The following CHPF2 variants were observed in gnomAD, a reference collection of about 807,000 sequenced individuals.
CHPF2 encodes chondroitin polymerizing factor 2.
A neutral mutation model predicts 63.0 loss-of-function variants in CHPF2; 58 were observed. The ratio of observed to expected loss-of-function variants is 0.92; its 90% CI spans 0.75 to 1.15. CHPF2 has a LOEUF of 1.15. CHPF2 is among the 50% of genes most tolerant of loss of function. CHPF2 has a pLI of 0.00. For missense variants in CHPF2, 1,045 were observed against 1,035.4 expected, an observed-to-expected ratio of 1.01 and a Z score of -0.13; for synonymous variants, 442 against 438.0, an observed-to-expected ratio of 1.01 and a Z score of -0.11.
At position 151,238,327 on chromosome 7, in the gene CHPF2, C is replaced by T; in HGVS notation, c.1965C>T (p.Ser655=). The T allele has an allele frequency of 6.2e-7, 1 of 1,610,024 alleles. No homozygotes were observed. The highest frequency in any genetic ancestry group is 8.5e-7 in the Non-Finnish European group (1 of 1,178,106). The change falls in exon 4 of 4, where the codon TCC becomes TCT. Residue 655 remains serine (S), a synonymous_variant. Transcript: ENST00000035307. Reference sequence around the variant, plus strand: ...CCTCCCCTCCTGGTGCTGACCCCTCCCGGGGGGCTCCTATAGGGGGGAGAT... The same window carrying T: ...CCTCCCCTCCTGGTGCTGACCCCTCTCGGGGGGCTCCTATAGGGGGGAGAT... The part of the protein sequence containing the change: ...DPPSPPGADP[S]RGAPIGGRFD...
chr7:151,235,214 G>T lies in CHPF2; in HGVS notation c.430G>T (p.Ala144Ser), dbSNP rs760753399. The T allele has an allele frequency of 6.2e-7, 1 of 1,613,082 alleles. No individual in the cohort carries two copies. Among genetic ancestry groups the T allele is most frequent in the East Asian group, 2.2e-5 (1 of 44,870 alleles). Residue 144 changes from alanine (A) to serine (S), a missense_variant, in exon 2 of 4, where the codon GCA (alanine) becomes TCA (serine). By Grantham distance (99) the Ala-to-Ser change is moderately conservative. Coordinates refer to ENST00000035307, the MANE Select transcript of CHPF2 (RefSeq NM_019015.3). ...FTGQRGARAPAGMQVVSHGDE... is the reference protein window; with the variant it reads ...FTGQRGARAPSGMQVVSHGDE... ...TGGGCAGCGGGGGGCCCGGGCTCCA[G>T]CAGGGATGCAGGTGGTGTCTCATGG...
Position 151,233,725 on chromosome 7 carries a change from C to T in CHPF2, c.-287C>T. ...CTCCTCTTTTTAGTGGAAGACAGAC[C>T]ATAATCCCAGTGTGAGTGAAATTGA... is the stretch of plus-strand genomic sequence containing the variant. On this transcript the variant is annotated 5_prime_UTR_variant, in exon 1 of 4. Transcript: ENST00000035307. 8.6e-7 allele frequency: 1 copy of T among 1,156,884 alleles called. No individual in the cohort carries two copies. The highest frequency in any genetic ancestry group is 1.1e-6 in the Non-Finnish European group (1 of 940,658). The allele number at this position is 1,156,884 out of a possible 1,614,324, so 71.7% of individuals were successfully genotyped here.
chr7:151,234,206 T>A lies in CHPF2; in HGVS notation c.195T>A (p.Asp65Glu). 1 of 1,613,350 alleles carries A rather than the reference T, an allele frequency of 6.2e-7. No individual in the cohort carries two copies. The highest frequency in any genetic ancestry group is 8.5e-7 in the Non-Finnish European group (1 of 1,179,652). Reference protein sequence around the residue: ...PDSRARLDQSDEDFKPRIVPY... With the variant: ...PDSRARLDQSEEDFKPRIVPY... ...CCAGAGCTCGGCTAGACCAAAGTGATGAAGACTTCAAACCCCGGATTGTCC... is the reference window on the plus strand; with the variant it reads ...CCAGAGCTCGGCTAGACCAAAGTGAAGAAGACTTCAAACCCCGGATTGTCC... Residue 65 changes from aspartate (D) to glutamate (E), a missense_variant, in exon 1 of 4, where the codon GAT becomes GAA. Coordinates refer to ENST00000035307, the MANE Select transcript of CHPF2 (RefSeq NM_019015.3).
chr7:151,237,481 G>A lies in CHPF2; in HGVS notation c.1119G>A (p.Leu373=), dbSNP rs1405553486. 5 of 1,614,012 alleles carry A rather than the reference G, an allele frequency of 3.1e-6. No individual in the cohort carries two copies. In the East Asian group the frequency reaches 8.9e-5, roughly 29 times the overall value. The change falls in exon 4 of 4, where the codon CTG becomes CTA. Residue 373 remains leucine, a synonymous_variant. Coordinates refer to ENST00000035307, the MANE Select transcript of CHPF2 (RefSeq NM_019015.3). ...PFTPHSRFEV[L]GWDYFTEQHT... is the part of the protein sequence containing the mutation. Reference sequence around the variant, plus strand: ...CACCACACTCTCGCTTTGAGGTGCTGGGCTGGGACTACTTCACAGAGCAGC... The same window carrying A: ...CACCACACTCTCGCTTTGAGGTGCTAGGCTGGGACTACTTCACAGAGCAGC...
At position 151,232,827 on chromosome 7, in the gene CHPF2, G is replaced by T. The variant is rs754486091; in HGVS notation, c.-1185G>T. 3 of 1,474,422 alleles carry T rather than the reference G, an allele frequency of 2.0e-6. No individual in the cohort carries two copies. The highest frequency in any genetic ancestry group is 1.5e-5 in the African/African-American group (1 of 68,082). 91.3% of individuals were successfully genotyped at this position (1,474,422 alleles called of 1,614,324 possible). On this transcript the variant is annotated 5_prime_UTR_variant, in exon 1 of 4. Transcript: ENST00000035307. ...GCCTGAGAACGAGGTCTGTGCCCCA[G>T]TCTCCCAGCCGCGACCTCCGACCCC...
chr7:151,232,521 C>G lies in CHPF2; in HGVS notation c.-1491C>G. On this transcript the variant is annotated 5_prime_UTR_variant, in exon 1 of 4. Transcript: ENST00000035307. Reference sequence around the variant, plus strand: ...GACAGGGGCTGTGAGGTGGCAGCGGCTGCAGCGGCGGAGCCGGCGCCTCAG... The same window carrying G: ...GACAGGGGCTGTGAGGTGGCAGCGGGTGCAGCGGCGGAGCCGGCGCCTCAG... 1 of 504,232 alleles carries G rather than the reference C, an allele frequency of 2.0e-6. No homozygotes were observed. The allele number at this position is 504,232 out of a possible 1,614,324, so 31.2% of individuals were successfully genotyped here.
Position 151,238,798 on chromosome 7 carries a change from G to T in CHPF2, c.*117G>T. 6.5e-7 allele frequency: 1 copy of T among 1,548,576 alleles called. No homozygotes were observed. Among genetic ancestry groups the T allele is most frequent in the Non-Finnish European group, 8.7e-7 (1 of 1,151,764 alleles). On this transcript the variant is annotated 3_prime_UTR_variant, in exon 4 of 4. Transcript: ENST00000035307. Reference sequence around the variant, plus strand: ...TGCTGTATTTTTTAAATATGAAAATGTTATTAAACATGTCTTCTGCCAAAC... The same window carrying T: ...TGCTGTATTTTTTAAATATGAAAATTTTATTAAACATGTCTTCTGCCAAAC...
intron 2 of CHPF2, 98 bp from the exon 3 acceptor site, chr7:151,236,310 C>G: frequency 9.4e-7 from 1 of 1,066,000 alleles, no homozygotes; most frequent in Non-Finnish European, 1.3e-6. Context: ...TGTTCTAACG[C>G]AGCAGTGCTA....
chr7:151,236,420 C>A lies in CHPF2; in HGVS notation c.841C>A (p.Arg281Ser). The A allele has an allele frequency of 6.3e-7, 1 of 1,582,760 alleles. No homozygotes were observed. The highest frequency in any genetic ancestry group is 8.6e-7 in the Non-Finnish European group (1 of 1,158,364). ...ATTGTCCCTCTAGGGGCAGCAGTATCGCTCATTTGAACTGGCCAAAAATAG... is the reference window on the plus strand; with the variant it reads ...ATTGTCCCTCTAGGGGCAGCAGTATAGCTCATTTGAACTGGCCAAAAATAG... ...CVSQHQGQQYRSFELAKNRDP... is the reference protein window; with the variant it reads ...CVSQHQGQQYSSFELAKNRDP... Residue 281 changes from arginine (R) to serine (S), a missense_variant, in exon 3 of 4, where the codon CGC becomes AGC. By Grantham distance (110) the Arg-to-Ser change is moderately radical (BLOSUM62 -1). Coordinates refer to ENST00000035307, the MANE Select transcript of CHPF2 (RefSeq NM_019015.3).
Position 151,237,738 on chromosome 7 carries a change from G to A in CHPF2, c.1376G>A (p.Arg459Gln), listed in dbSNP as rs577213295. Residue 459 changes from arginine to glutamine, a missense_variant, in exon 4 of 4, where the codon CGG (arginine) becomes CAG (glutamine). By Grantham distance (43) the Arg-to-Gln change is conservative. Transcript: ENST00000035307. ...GAATGTGTGACACAGCGTGGGCACC[G>A]GCGGGCCCTGGCTCGCAGGGTCAGC... The part of the protein sequence containing the change: ...LLECVTQRGH[R>Q]RALARRVSLL... 56 of 1,612,480 alleles carry A rather than the reference G, an allele frequency of 3.5e-5. No individual in the cohort carries two copies. Among genetic ancestry groups the A allele is most frequent in the Admixed American group, 2.2e-4 (13 of 60,024 alleles).
At chr7:151,236,810 C>A in intron 3 of CHPF2, 1 of 595,052 alleles carries the variant, frequency 1.7e-6, no homozygotes, top group Non-Finnish European at 3.0e-6. Context: ...GCTCCCAGCA[C>A]AACTTGAATG....
In CHPF2 at chr7:151,235,209, C is replaced by T. The variant is rs1563629708; in HGVS notation, c.425C>T (p.Ala142Val). 6.2e-7 allele frequency: 1 copy of T among 1,612,994 alleles called. No homozygotes were observed. ...TTCACTGGGCAGCGGGGGGCCCGGG[C>T]TCCAGCAGGGATGCAGGTGGTGTCT... ...LYFTGQRGAR[A>V]PAGMQVVSHG... Residue 142 changes from alanine to valine, a missense_variant, in exon 2 of 4, where the codon GCT becomes GTT. Transcript: ENST00000035307.
rs146782442 is a variant in CHPF2 at position 151,235,069 on chromosome 7, G to A, written c.285G>A (p.Glu95=). The A allele has an allele frequency of 7.7e-4, 1,212 of 1,565,892 alleles. 4 individuals carry two copies. The African/African-American group carries it at 0.014, about 18-fold the overall frequency. Reference sequence around the variant, plus strand: ...ACAGGACTCGGTACATCCAGACAGAGCTGGGCTCCCGTGAGCGGTTGCTGG... The same window carrying A: ...ACAGGACTCGGTACATCCAGACAGAACTGGGCTCCCGTGAGCGGTTGCTGG... ...KVLRTRYIQT[E]LGSRERLLVA... The change falls in exon 2 of 4, where the codon GAG becomes GAA. Residue 95 remains glutamate, a synonymous_variant. Transcript: ENST00000035307.
In CHPF2 at chr7:151,237,358, A is replaced by G. The variant is rs750547782; in HGVS notation, c.1012-16A>G. 59 of 1,569,424 alleles carry G rather than the reference A, an allele frequency of 3.8e-5. No homozygotes were observed. Among genetic ancestry groups the G allele is most frequent in the Admixed American group, 1.4e-4 (8 of 57,490 alleles). ...TGGAGCTGGCACTAATGTGAGGTGC[A>G]TTCCCTCCAACCCAGGCTCAGATCC... On this transcript the variant is annotated splice_polypyrimidine_tract_variant and intron_variant, in intron 3 of 3. Coordinates refer to ENST00000035307, the MANE Select transcript of CHPF2 (RefSeq NM_019015.3).
rs1315362391 is a variant in CHPF2 at position 151,238,074 on chromosome 7, C to G, written c.1712C>G (p.Pro571Arg). 2 of 1,612,262 alleles carry G rather than the reference C, an allele frequency of 1.2e-6. No homozygotes were observed. Among genetic ancestry groups the G allele is most frequent in the African/African-American group, 2.7e-5 (2 of 74,940 alleles). Reference sequence around the variant, plus strand: ...TGGCTCGCTGTGCGAGCAGAGGCCCCTTCCCAGGTGCGACTCATGGACGTG... The same window carrying G: ...TGGCTCGCTGTGCGAGCAGAGGCCCGTTCCCAGGTGCGACTCATGGACGTG... ...LAWLAVRAEA[P>R]SQVRLMDVVS... is the part of the protein sequence containing the mutation. The change falls in exon 4 of 4, where the codon CCT becomes CGT. Residue 571 changes from proline (P) to arginine (R), a missense_variant. By Grantham distance (103) the Pro-to-Arg change is moderately radical. Coordinates refer to ENST00000035307, the MANE Select transcript of CHPF2 (RefSeq NM_019015.3).
rs1357484884 is a variant in CHPF2, at chr7:151,238,498, A to AG, written c.2139dup (p.Leu714AlafsTer26). The AG allele has an allele frequency of 1.3e-6, 2 of 1,597,474 alleles. No homozygotes were observed. The highest frequency in any genetic ancestry group is 4.5e-5 in the East Asian group (2 of 44,122). On this transcript the variant is annotated frameshift_variant, in exon 4 of 4. Transcript: ENST00000035307. LOFTEE classifies it high-confidence loss of function. Reference sequence around the variant, plus strand: ...TGATGGATGTTTTCCTCCGGTTCTCAGGGCTCCACCTCTTTCGGGCCGTAG... The same window carrying AG: ...TGATGGATGTTTTCCTCCGGTTCTCAGGGGCTCCACCTCTTTCGGGCCGTAG...
rs140251502 is a variant in CHPF2, at chr7:151,237,663, G to T, written c.1301G>T (p.Arg434Leu). ...FQKQRLLNGY[R>L]RFDPARGMEY... ...AAGCAGCGACTGCTCAACGGCTATC[G>T]GCGCTTCGACCCAGCACGGGGCATG... Residue 434 changes from arginine to leucine, a missense_variant, in exon 4 of 4, where the codon CGG (arginine) becomes CTG (leucine). By Grantham distance (102) the Arg-to-Leu change is moderately radical (BLOSUM62 -2). Transcript: ENST00000035307. The T allele has an allele frequency of 2.5e-6, 4 of 1,613,160 alleles. No homozygotes were observed. The South Asian group carries it at 4.4e-5, about 18-fold the overall frequency.
rs1289630965 is a variant in CHPF2, at chr7:151,238,509, T to C, written c.2147T>C (p.Leu716Pro). The C allele has an allele frequency of 6.2e-7, 1 of 1,601,774 alleles. No homozygotes were observed. The highest frequency in any genetic ancestry group is 1.3e-5 in the African/African-American group (1 of 74,768). ...TTCCTCCGGTTCTCAGGGCTCCACC[T>C]CTTTCGGGCCGTAGAGCCAGGGCTG... The part of the protein sequence containing the change: ...DVFLRFSGLH[L>P]FRAVEPGLVQ... The change falls in exon 4 of 4, where the codon CTC (leucine) becomes CCC (proline). Residue 716 changes from leucine (L) to proline (P), a missense_variant. Physicochemically the swap from Leu to Pro is moderately conservative, Grantham distance 98 (BLOSUM62 -3). Coordinates refer to ENST00000035307, the MANE Select transcript of CHPF2 (RefSeq NM_019015.3).
Position 151,233,795 on chromosome 7 carries a change from C to T in CHPF2, c.-217C>T, listed in dbSNP as rs1233553856. Reference sequence around the variant, plus strand: ...TTTGGCTGGGGGTTAGTTCCGACACCTTCACAGTTGAAGAGCAGGCAGAAG... The same window carrying T: ...TTTGGCTGGGGGTTAGTTCCGACACTTTCACAGTTGAAGAGCAGGCAGAAG... On this transcript the variant is annotated 5_prime_UTR_variant, in exon 1 of 4. Transcript: ENST00000035307. 7 of 1,235,550 alleles carry T rather than the reference C, an allele frequency of 5.7e-6. No homozygotes were observed. The highest frequency in any genetic ancestry group is 6.1e-6 in the Non-Finnish European group (6 of 990,556). 76.5% of individuals were successfully genotyped at this position (1,235,550 alleles called of 1,614,324 possible).
Sources: gnomAD v4.1 joint callset for allele counts on GRCh38, gnomAD v4.1.1 for gene constraint, MANE v1.5 for transcripts, NCBI Gene and HGNC (gene_info 2026-07-23, HGNC 2026-07-21) for gene names.